The following SLC14A1 variants were observed in gnomAD, a reference collection of about 807,000 sequenced individuals.
SLC14A1 encodes solute carrier family 14 member 1 (Kidd blood group).
SLC14A1 carries 36 observed loss-of-function variants against 39.6 expected under a neutral mutation model. That is an observed-to-expected ratio of 0.91 (90% CI 0.70 to 1.20). The LOEUF (loss-of-function observed/expected upper bound fraction) is 1.20. Among genes scored for constraint, SLC14A1 ranks in the 50% most tolerant of loss-of-function variants. The probability of loss-of-function intolerance (pLI) is 0.00; values close to 1 mark genes in which losing one functional copy is unlikely to be tolerated. For missense variants in SLC14A1, 469 were observed against 478.7 expected, an observed-to-expected ratio of 0.98 and a Z score of 0.19; for synonymous variants, 164 against 173.6, an observed-to-expected ratio of 0.94 and a Z score of 0.43.
At chr18:45,727,220 C>T (rs892627675) in intron 2 of SLC14A1, 2 of 1,540,632 alleles carry the variant, frequency 1.3e-6, no homozygotes, top group South Asian at 2.4e-5. Context: ...GGGCACACGT[C>T]ATGCTGATTC....
chr18:45,736,352 A>C (rs892298228), intron 5 of SLC14A1, 104 bp from the exon 6 acceptor site: 1 of 1,066,052 alleles, frequency 9.4e-7, no homozygotes, highest in Non-Finnish European at 1.5e-6. Flanking sequence ...ACAACACGTA[A>C]GGGGCCTGTT....
In SLC14A1 at chr18:45,750,342, G is replaced by A. The variant is rs1322492247; in HGVS notation, c.*391G>A. On this transcript the variant is annotated 3_prime_UTR_variant, in exon 10 of 10. Coordinates refer to ENST00000321925, the MANE Select transcript of SLC14A1 (RefSeq NM_015865.7). ...AAATTAAACCCCATAAACCAACTAA[G>A]CCTTATGGAATTCACAGTCACAAAA... 3.7e-6 allele frequency: 4 copies of A among 1,084,862 alleles called. No individual in the cohort carries two copies. Among genetic ancestry groups the A allele is most frequent in the Non-Finnish European group, 4.5e-6 (4 of 890,694 alleles). The allele number at this position is 1,084,862 out of a possible 1,614,324, so 67.2% of individuals were successfully genotyped here.
chr18:45,745,171 A>G (rs573290110), intron 8 of SLC14A1, among the ~76,000 whole-genome samples: 68 of 152,340 alleles, frequency 4.5e-4, no homozygotes, highest in Admixed American at 1.5e-3. Flanking sequence ...TGAACTCGGA[A>G]GGCAGAGCTG....
intron 2 of SLC14A1, 92 bp downstream of exon 2, chr18:45,725,105 C>T (rs1178321877): frequency 6.6e-6 from 1 of 152,228 alleles, no homozygotes; most frequent in Admixed American, 6.5e-5. Context: ...ATATCCAACA[C>T]TTCATATTAT....
intron 8 of SLC14A1, among the ~76,000 whole-genome samples, chr18:45,741,773 C>T (rs2047384037): frequency 6.6e-6 from 1 of 152,138 alleles, no homozygotes; most frequent in Non-Finnish European, 1.5e-5. Context: ...TATCCTACAA[C>T]CTTTCAGCTT....
intron 4 of SLC14A1, 27 bp from the exon 5 acceptor site, chr18:45,734,247 G>A: frequency 1.2e-6 from 2 of 1,613,812 alleles, no homozygotes; most frequent in Non-Finnish European, 1.7e-6. Context: ...CCCAGGAAAT[G>A]TCCGTGCTGT....
chr18:45,751,312 C>G lies in SLC14A1; in HGVS notation c.*1361C>G. Reference sequence around the variant, plus strand: ...CTAAGATTGCACCACTGCACTCCAACCTGGGCGACAAGAGTGAAACTGTGT... The same window carrying G: ...CTAAGATTGCACCACTGCACTCCAAGCTGGGCGACAAGAGTGAAACTGTGT... On this transcript the variant is annotated 3_prime_UTR_variant, in exon 10 of 10. Transcript: ENST00000321925. 1.1e-6 allele frequency: 1 copy of G among 889,330 alleles called. No homozygotes were observed. The highest frequency in any genetic ancestry group is 1.3e-6 in the Non-Finnish European group (1 of 750,710). The allele number at this position is 889,330 out of a possible 1,614,324, so 55.1% of individuals were successfully genotyped here. A position where few individuals can be genotyped will look rare whatever the true frequency, so the allele number is the denominator to read the frequency against.
At position 45,730,438 on chromosome 18, in the gene SLC14A1, G is replaced by A. The variant is rs145283450; in HGVS notation, c.118G>A (p.Gly40Ser). The change falls in exon 3 of 10, where the codon GGT (glycine) becomes AGT (serine). Residue 40 changes from glycine (G) to serine (S), a missense_variant. Physicochemically the swap from Gly to Ser is moderately conservative, Grantham distance 56 (BLOSUM62 0). Coordinates refer to ENST00000321925, the MANE Select transcript of SLC14A1 (RefSeq NM_015865.7). ...CCCCAAAGCTCTTGGCTATGTCACC[G>A]GTGACATGAAAGAACTTGCCAACCA... ...CFPKALGYVT[G>S]DMKELANQLK... 1.2e-5 allele frequency: 20 copies of A among 1,614,160 alleles called. No homozygotes were observed. The highest frequency in any genetic ancestry group is 6.7e-5 in the East Asian group (3 of 44,882).
At chr18:45,732,857 C>T (rs9946998) in intron 4 of SLC14A1, among the ~76,000 whole-genome samples, 64,635 of 152,006 alleles carry the variant, frequency 0.43, 14,509 homozygotes, top group East Asian at 0.52. Flanking sequence ...AATCTAGGTG[C>T]CCATCAATGG....
At chr18:45,733,833 G>T (rs532429838) in intron 4 of SLC14A1, among the ~76,000 whole-genome samples, 4 of 152,186 alleles carry the variant, frequency 2.6e-5, no homozygotes, top group Non-Finnish European at 5.9e-5. Context: ...TTCCACCTGA[G>T]CTCCGCCTCC....
chr18:45,726,822 C>T (rs2046876838), intron 2 of SLC14A1: 1 of 161,840 alleles, frequency 6.2e-6, no homozygotes, highest in Admixed American at 6.0e-5. Flanking sequence ...AGGGAAACTG[C>T]TGTGGGGCAA....
chr18:45,743,226 T>C (rs913736251), intron 8 of SLC14A1, among the ~76,000 whole-genome samples: 1 of 152,354 alleles, frequency 6.6e-6, no homozygotes, highest in African/African-American at 2.4e-5. Flanking sequence ...TGTGATTACA[T>C]TGGGTCCATT....
At chr18:45,748,530 C>T in intron 9 of SLC14A1, 105 bp downstream of exon 9, 1 of 1,146,578 alleles carries the variant, frequency 8.7e-7, no homozygotes, top group Non-Finnish European at 1.3e-6. Flanking sequence ...TGGCAGGATC[C>T]ATGACCATGA....
chr18:45,734,815 G>A (rs565553214), intron 5 of SLC14A1, among the ~76,000 whole-genome samples: 1 of 152,248 alleles, frequency 6.6e-6, no homozygotes, highest in East Asian at 1.9e-4. Flanking sequence ...AGGAGAAGGA[G>A]GAAGAGGAGC....
chr18:45,736,036 G>A (rs1196062996), intron 5 of SLC14A1, among the ~76,000 whole-genome samples: 1 of 152,080 alleles, frequency 6.6e-6, no homozygotes, highest in Non-Finnish European at 1.5e-5. Flanking sequence ...TCCAAAAATA[G>A]GTATATTAAA....
intron 2 of SLC14A1, chr18:45,729,105 C>T (rs1182308061): frequency 6.6e-6 from 1 of 152,296 alleles, no homozygotes; most frequent in East Asian, 1.9e-4. Flanking sequence ...AGCCTGGCAA[C>T]ACAGAGAAGA....
chr18:45,736,130 C>T (rs2047186378), intron 5 of SLC14A1, among the ~76,000 whole-genome samples: 1 of 152,114 alleles, frequency 6.6e-6, no homozygotes, highest in Non-Finnish European at 1.5e-5. Flanking sequence ...ACAAAGGGGA[C>T]TTTAACTATG....
Position 45,731,215 on chromosome 18 carries a change from C to G in SLC14A1, c.341+11C>G, listed in dbSNP as rs1192862823. Reference sequence around the variant, plus strand: ...GCTCAGCCAGGACAGGTAGGTGTACCCTTTCAAGCCTTCTCAGCTCCCTTC... The same window carrying G: ...GCTCAGCCAGGACAGGTAGGTGTACGCTTTCAAGCCTTCTCAGCTCCCTTC... On this transcript the variant is annotated intron_variant, in intron 4 of 9. Coordinates refer to ENST00000321925, the MANE Select transcript of SLC14A1 (RefSeq NM_015865.7). 6.2e-7 allele frequency: 1 copy of G among 1,612,622 alleles called. No individual in the cohort carries two copies. Among genetic ancestry groups the G allele is most frequent in the Admixed American group, 1.7e-5 (1 of 60,018 alleles).
chr18:45,727,351 C>G (rs1306446141), intron 2 of SLC14A1: 2 of 1,551,508 alleles, frequency 1.3e-6, no homozygotes, highest in Non-Finnish European at 1.7e-6. Flanking sequence ...GGAACTAAAG[C>G]TGGTGACGCA....
Sources: gnomAD v4.1 joint callset for allele counts (sites outside exome capture counted in the v4.1 genomes callset) on GRCh38, gnomAD v4.1.1 for gene constraint, MANE v1.5 for transcripts, NCBI Gene and HGNC (gene_info 2026-07-23, HGNC 2026-07-21) for gene names.